Variants in COBLL1 observed in about 807,000 individuals in gnomAD.
COBLL1 encodes cordon-bleu protein-like 1.
In COBLL1, 50 loss-of-function variants were observed where a neutral mutation model predicts 94.8. The ratio of observed to expected loss-of-function variants is 0.53; its 90% CI spans 0.42 to 0.67. The LOEUF is 0.67. COBLL1 is among the 30% of genes least tolerant of loss of function. The pLI, the probability that COBLL1 is intolerant of heterozygous loss-of-function variation, is 0.00. For missense variants in COBLL1, 1,362 were observed against 1,348.7 expected, an observed-to-expected ratio of 1.01 and a Z score of -0.15; for synonymous variants, 448 against 473.8, an observed-to-expected ratio of 0.95 and a Z score of 0.71.
intron 5 of COBLL1, chr2:164,725,082 G>T (rs1230914111): frequency 7.3e-6 from 1 of 136,680 alleles, no homozygotes; most frequent in African/African-American, 2.6e-5. Flanking sequence ...ATTGGAAGAT[G>T]CTAGCATTTA....
intron 2 of COBLL1, among the ~76,000 whole-genome samples, chr2:164,773,457 A>G (rs1688306531): frequency 6.6e-6 from 1 of 152,124 alleles, no homozygotes; most frequent in African/African-American, 2.4e-5. Context: ...ATGTATATAC[A>G]TTTAATCATT....
At chr2:164,778,917 G>C (rs914266953) in intron 2 of COBLL1, among the ~76,000 whole-genome samples, 1 of 152,114 alleles carries the variant, frequency 6.6e-6, no homozygotes, top group Non-Finnish European at 1.5e-5. Context: ...GGAAGACCAG[G>C]AGAAATCCCA....
At chr2:164,660,539 C>T (rs937533207) in intron 2 of COBLL1, among the ~76,000 whole-genome samples, 2 of 152,052 alleles carry the variant, frequency 1.3e-5, no homozygotes, top group Non-Finnish European at 2.9e-5. Flanking sequence ...CCATTGAGGC[C>T]TCAGCTGAAA....
Position 164,692,272 on chromosome 2 carries a change from C to CT in COBLL1, c.3248dup (p.Ser1084GlufsTer40). The CT allele has an allele frequency of 6.2e-7, 1 of 1,613,078 alleles. No individual in the cohort carries two copies. ...CCGAACGGATTGCAGTCAGCAAACT[C>CT]TGTCGCATCTGTTCTGGGTCAGAGC... On this transcript the variant is annotated frameshift_variant, in exon 13 of 14. Coordinates refer to ENST00000652658, the MANE Select transcript of COBLL1 (RefSeq NM_001365672.2). LOFTEE classifies it high-confidence loss of function.
In COBLL1 at chr2:164,814,863, T is replaced by C. The variant is rs371153643; in HGVS notation, c.41+26293A>G. On this transcript the variant is annotated intron_variant, in intron 2 of 13. Transcript: ENST00000652658. ...TCCTCCACCCTCCAAGTTCTCTTAA[T>C]TACCTGTCATCTAATTATATGCAAC... Among the ~76,000 whole-genome samples, 14 of 152,318 alleles carry C rather than the reference T, an allele frequency of 9.2e-5. No individual in the cohort carries two copies. The South Asian group carries it at 2.7e-3, about 29-fold the overall frequency.
intron 13 of COBLL1, chr2:164,687,617 C>G (rs1265224578): frequency 1.9e-6 from 2 of 1,067,264 alleles, no homozygotes; most frequent in African/African-American, 1.5e-5. Context: ...AATGCAAGGT[C>G]AGAGACATGA....
intron 2 of COBLL1, among the ~76,000 whole-genome samples, chr2:164,823,389 T>G (rs968859032): frequency 1.3e-5 from 2 of 152,156 alleles, no homozygotes; most frequent in African/African-American, 2.4e-5. Flanking sequence ...TCAAACCCAA[T>G]CCTCTACAAC....
At chr2:164,757,686 T>A (rs1687479816) in intron 2 of COBLL1, among the ~76,000 whole-genome samples, 1 of 151,976 alleles carries the variant, frequency 6.6e-6, no homozygotes, top group Non-Finnish European at 1.5e-5. Context: ...GTGGTTCATG[T>A]CTACAGTTTC....
intron 1 of COBLL1, among the ~76,000 whole-genome samples, chr2:164,669,626 T>C (rs1402752624): frequency 6.6e-6 from 1 of 152,228 alleles, no homozygotes. Context: ...TTGCTGGATG[T>C]ACCCAATTGG....
At chr2:164,723,176 T>C (rs934610985) in intron 5 of COBLL1, 2 of 152,136 alleles carry the variant, frequency 1.3e-5, no homozygotes, top group South Asian at 4.1e-4. Flanking sequence ...ACATAGCACA[T>C]TGCAAAAGAC....
intron 7 of COBLL1, among the ~76,000 whole-genome samples, chr2:164,719,934 AG>A (rs942421541): frequency 1.3e-5 from 2 of 152,092 alleles, no homozygotes; most frequent in Non-Finnish European, 2.9e-5. Flanking sequence ...AACAGTGACA[AG>A]AAAAAAAAAA....
At chr2:164,831,429 A>G (rs942121279) in intron 2 of COBLL1, among the ~76,000 whole-genome samples, 2 of 151,588 alleles carry the variant, frequency 1.3e-5, no homozygotes, top group Admixed American at 1.3e-4. Context: ...AATTTTACTT[A>G]AGTTATCTAG....
intron 3 of COBLL1, among the ~76,000 whole-genome samples, chr2:164,742,871 G>A (rs1245478759): frequency 1.3e-5 from 2 of 151,842 alleles, no homozygotes; most frequent in Non-Finnish European, 2.9e-5. Flanking sequence ...GAGAGAGAGA[G>A]CGAGCGAGCG....
In COBLL1 at chr2:164,704,994, TG is replaced by T; in HGVS notation, c.1107del (p.Ile371TyrfsTer12). On this transcript the variant is annotated frameshift_variant, in exon 8 of 14. Transcript: ENST00000652658. LOFTEE classifies it high-confidence loss of function. ...RTKRKAPSPP[S>X]KIPPHQSDEN... ...TCATCACTTTGATGCGGGGGTATTT[TG>T]GAGGGTGGGGAAGGTGCTTTTCGCT... 7 of 1,602,678 alleles carry T rather than the reference TG, an allele frequency of 4.4e-6. No individual in the cohort carries two copies. The highest frequency in any genetic ancestry group is 6.0e-6 in the Non-Finnish European group (7 of 1,175,658).
intron 2 of COBLL1, among the ~76,000 whole-genome samples, chr2:164,749,555 G>A (rs975924008): frequency 1.3e-5 from 2 of 152,194 alleles, no homozygotes; most frequent in South Asian, 2.1e-4. Context: ...TTCTCAACAC[G>A]ATTTCTCAGT....
rs375725753 is a variant in COBLL1, at chr2:164,722,097, A to G, written c.974T>C (p.Met325Thr). The change falls in exon 7 of 14, where the codon ATG becomes ACG. Residue 325 changes from methionine to threonine, a missense_variant. Transcript: ENST00000652658. Reference protein sequence around the residue: ...ERPASCIVKSMSVDETDKSPC... With the variant: ...ERPASCIVKSTSVDETDKSPC... ...CACCTTATCTGTCTCATCCACGCTC[A>G]TGGATTTCACTATACAAGAAGCAGG... is the stretch of plus-strand genomic sequence containing the variant. 1 of 1,607,822 alleles carries G rather than the reference A, an allele frequency of 6.2e-7. No individual in the cohort carries two copies. Among genetic ancestry groups the G allele is most frequent in the Non-Finnish European group, 8.5e-7 (1 of 1,176,672 alleles).
chr2:164,701,649 C>T (rs746251559), intron 9 of COBLL1, among the ~76,000 whole-genome samples: 10 of 148,168 alleles, frequency 6.7e-5, no homozygotes, highest in Admixed American at 1.3e-4. Context: ...TTTTCAATAG[C>T]TGTGGTTAAC....
At chr2:164,826,895 CGTTT>C (rs1685455714) in intron 2 of COBLL1, among the ~76,000 whole-genome samples, 1 of 115,110 alleles carries the variant, frequency 8.7e-6, no homozygotes, top group Non-Finnish European at 1.9e-5. Context: ...GTCTTTGTTT[CGTTT>C]TTTTTTTTGT....
intron 2 of COBLL1, among the ~76,000 whole-genome samples, chr2:164,747,586 C>T (rs1384154303): frequency 6.6e-6 from 1 of 152,090 alleles, no homozygotes; most frequent in Non-Finnish European, 1.5e-5. Context: ...CAGGTTCAAG[C>T]GATTCTTGTG....
Sources: gnomAD v4.1 joint callset for allele counts (sites outside exome capture counted in the v4.1 genomes callset) on GRCh38, gnomAD v4.1.1 for gene constraint, MANE v1.5 for transcripts, NCBI Gene and HGNC (gene_info 2026-07-23, HGNC 2026-07-21) for gene names.